AVEN: variants seen among roughly 807,000 people sequenced by gnomAD.
AVEN encodes the protein cell death regulator Aven.
In AVEN, 41 loss-of-function variants were observed where a neutral mutation model predicts 38.1. That is an observed-to-expected ratio of 1.08 (90% CI 0.84 to 1.40). The LOEUF (loss-of-function observed/expected upper bound fraction) is 1.40, where lower values mean the gene tolerates loss of function less well. Ranked by LOEUF, AVEN falls within the 40% of genes most tolerant of loss-of-function variation. The probability of loss-of-function intolerance (pLI) is 0.00; values close to 1 mark genes in which losing one functional copy is unlikely to be tolerated. For missense variants in AVEN, 605 were observed against 438.8 expected (o/e 1.38, Z -3.38); for synonymous variants, 206 against 171.8 (o/e 1.20, Z -1.56).
intron 2 of AVEN, among the ~76,000 whole-genome samples, chr15:33,919,505 T>C (rs1224369318): frequency 1.3e-5 from 2 of 152,146 alleles, no homozygotes; most frequent in African/African-American, 4.8e-5. Flanking sequence ...GAAATCAGAA[T>C]CTACAAGGGT....
chr15:34,033,528 A>G (rs1339336358), intron 1 of AVEN, among the ~76,000 whole-genome samples: 3 of 152,122 alleles, frequency 2.0e-5, no homozygotes, highest in Non-Finnish European at 4.4e-5. Flanking sequence ...AAAATTGCAA[A>G]TCAAAATAAC....
the AVEN span, chr15:33,853,612 T>G: frequency 1.9e-6 from 3 of 1,613,998 alleles, no homozygotes; most frequent in South Asian, 3.3e-5. Context: ...ACTTCTGGGT[T>G]TGGACAAAAA....
rs60119659 is a variant in AVEN at position 34,017,484 on chromosome 15, G to GTTTTTT, written c.268-14281_268-14276dup. On this transcript the variant is annotated intron_variant, in intron 1 of 5. Transcript: ENST00000306730. ...GTGATTTCAGTATGATTTTTTTTTT[G>GTTTTTT]TTTTTTTTTTTTTTTTGAGACAGGG... Among the ~76,000 whole-genome samples, 25 of 107,362 alleles carry GTTTTTT rather than the reference G, an allele frequency of 2.3e-4. 2 individuals carry two copies. Among genetic ancestry groups the GTTTTTT allele is most frequent in the African/African-American group, 5.7e-4 (18 of 31,710 alleles). The allele number at this position is 107,362 out of a possible 152,430, so 70.4% of individuals were successfully genotyped here. A position where few individuals can be genotyped will look rare whatever the true frequency, so the allele number is the denominator to read the frequency against.
intron 2 of AVEN, among the ~76,000 whole-genome samples, chr15:33,937,526 C>T (rs1347945995): frequency 1.8e-5 from 2 of 109,522 alleles, no homozygotes; most frequent in African/African-American, 5.3e-5. Context: ...GAGCGAGACT[C>T]CATCTCAAAA....
At chr15:33,877,920 G>C (rs1284580441) in intron 2 of AVEN, among the ~76,000 whole-genome samples, 1 of 152,172 alleles carries the variant, frequency 6.6e-6, no homozygotes, top group Admixed American at 6.5e-5. Context: ...CTGCACTCCA[G>C]CTTGGGCATC....
intron 1 of AVEN, chr15:34,007,006 T>A: frequency 1.1e-6 from 1 of 938,226 alleles, no homozygotes; most frequent in South Asian, 4.9e-5. Context: ...TAAATATTGT[T>A]ACAAAATTAG....
downstream of AVEN, chr15:33,857,717 T>G: frequency 6.2e-7 from 1 of 1,600,438 alleles, no homozygotes; most frequent in South Asian, 1.1e-5. Context: ...TAGAGTCTCC[T>G]GTGAACCTTT....
At chr15:33,857,681 G>C (rs577485019), downstream of AVEN, 1,591 of 1,475,830 alleles carry the variant, frequency 1.1e-3, 4 homozygotes, top group Non-Finnish European at 1.3e-3. Flanking sequence ...CTCCTTGCCC[G>C]TCCTCACTCT....
chr15:33,968,427 A>G (rs991088498), intron 2 of AVEN, among the ~76,000 whole-genome samples: 36 of 152,046 alleles, frequency 2.4e-4, no homozygotes, highest in Middle Eastern at 3.2e-3. Context: ...GTAATTAATG[A>G]GTTTTTTATG....
intron 2 of AVEN, among the ~76,000 whole-genome samples, chr15:33,937,589 G>A (rs1894137704): frequency 6.6e-6 from 1 of 151,930 alleles, no homozygotes. Context: ...AAATTTATAT[G>A]TTGAAGCCCT....
intron 5 of AVEN, among the ~76,000 whole-genome samples, chr15:34,051,160 C>A (rs190439003): frequency 6.6e-6 from 1 of 152,082 alleles, no homozygotes; most frequent in South Asian, 2.1e-4. Flanking sequence ...CAGACCACAG[C>A]GCAATCAAAT....
chr15:34,023,861 C>T (rs2702282), intron 1 of AVEN, among the ~76,000 whole-genome samples: 1 of 151,996 alleles, frequency 6.6e-6, no homozygotes, highest in African/African-American at 2.4e-5. Flanking sequence ...ACAGATGCCA[C>T]GTTTTTGGCC....
At chr15:33,871,570 A>C (rs1567387332) in intron 3 of AVEN, among the ~76,000 whole-genome samples, 3 of 149,578 alleles carry the variant, frequency 2.0e-5, no homozygotes, top group Non-Finnish European at 4.5e-5. Context: ...CTCCATCTCA[A>C]AAAAAAAAAG....
chr15:33,879,688 G>C (rs1891404767), intron 2 of AVEN, among the ~76,000 whole-genome samples: 1 of 152,136 alleles, frequency 6.6e-6, no homozygotes, highest in Non-Finnish European at 1.5e-5. Flanking sequence ...TCAGACATGT[G>C]AAATCCTACG....
chr15:33,877,199 TTC>T (rs1374266191), intron 2 of AVEN, among the ~76,000 whole-genome samples: 2 of 152,214 alleles, frequency 1.3e-5, no homozygotes, highest in African/African-American at 4.8e-5. Flanking sequence ...TTGTTTTTTC[TTC>T]TTTTTAAATT....
At chr15:33,974,473 G>A (rs1895785279) in intron 2 of AVEN, among the ~76,000 whole-genome samples, 1 of 152,080 alleles carries the variant, frequency 6.6e-6, no homozygotes, top group East Asian at 1.9e-4. Flanking sequence ...AGGGACAAAG[G>A]CTAAAAGACT....
chr15:34,074,855 G>A (rs888824553), exon 1 of AVEN, among the ~76,000 whole-genome samples: 1 of 152,008 alleles, frequency 6.6e-6, no homozygotes, highest in African/African-American at 2.4e-5. Context: ...ATAGTTGAAC[G>A]AACTGTAGAC....
the AVEN span, chr15:33,853,507 T>C: frequency 6.3e-7 from 1 of 1,594,230 alleles, no homozygotes; most frequent in Non-Finnish European, 8.6e-7. Context: ...TAGAAAATAT[T>C]TGGTGGTGGC....
At chr15:33,864,515 CAG>C (rs1432474216), downstream of AVEN, among the ~76,000 whole-genome samples, 1 of 152,116 alleles carries the variant, frequency 6.6e-6, no homozygotes, top group African/African-American at 2.4e-5. Context: ...GCAGAAAAAT[CAG>C]AGTACAACGG....
Sources: allele counts gnomAD v4.1 joint callset (sites outside exome capture counted in the v4.1 genomes callset), GRCh38; gene constraint gnomAD v4.1.1; transcripts MANE v1.5; gene names NCBI Gene and HGNC (gene_info 2026-07-23, HGNC 2026-07-21).